NCALD: variants seen among roughly 807,000 people sequenced by gnomAD.
NCALD encodes the protein neurocalcin-delta.
In NCALD, 10 loss-of-function variants were observed where a neutral mutation model predicts 18.6. The ratio of observed to expected loss-of-function variants is 0.54; its 90% CI spans 0.33 to 0.91. NCALD has a LOEUF of 0.91. Among genes scored for constraint, NCALD ranks in the 40% least tolerant of loss-of-function variants. NCALD has a pLI of 0.03. For synonymous variants in NCALD, 88 were observed against 87.4 expected, an observed-to-expected ratio of 1.01 and a Z score of -0.04; for missense variants, 184 against 247.6, an observed-to-expected ratio of 0.74 and a Z score of 1.72.
chr8:101,957,161 T>G (rs1197577190), intron 2 of NCALD, among the ~76,000 whole-genome samples: 1 of 152,014 alleles, frequency 6.6e-6, no homozygotes, highest in African/African-American at 2.4e-5. Context: ...AGGGAAAAAC[T>G]TTAAAAATGA....
At chr8:102,052,259 G>T (rs1823482029) in intron 1 of NCALD, among the ~76,000 whole-genome samples, 1 of 152,134 alleles carries the variant, frequency 6.6e-6, no homozygotes, top group Non-Finnish European at 1.5e-5. Flanking sequence ...CAATTTTGAT[G>T]ACACAGTTGA....
At chr8:102,000,421 C>G (rs1043542158) in intron 2 of NCALD, among the ~76,000 whole-genome samples, 1 of 152,358 alleles carries the variant, frequency 6.6e-6, no homozygotes, top group African/African-American at 2.4e-5. Context: ...CTCAAGGAGG[C>G]CTGCCTGCCT....
intron 2 of NCALD, among the ~76,000 whole-genome samples, chr8:101,920,574 G>T (rs1818125898): frequency 6.6e-6 from 1 of 152,186 alleles, no homozygotes; most frequent in Admixed American, 6.5e-5. Context: ...CATGTTCTTT[G>T]CAGCAACATG....
intron 1 of NCALD, among the ~76,000 whole-genome samples, chr8:102,089,371 G>C (rs1824849252): frequency 6.6e-6 from 1 of 150,920 alleles, no homozygotes; most frequent in Admixed American, 6.6e-5. Flanking sequence ...TCCAGCCTGG[G>C]CAACAGAGCA....
At chr8:101,826,529 A>T (rs532818312) in intron 4 of NCALD, among the ~76,000 whole-genome samples, 1 of 152,340 alleles carries the variant, frequency 6.6e-6, no homozygotes, top group African/African-American at 2.4e-5. Context: ...CTACATGTCC[A>T]ACAGAGCTTC....
chr8:101,814,219 T>C (rs1813411386), intron 4 of NCALD, among the ~76,000 whole-genome samples: 1 of 152,028 alleles, frequency 6.6e-6, no homozygotes, highest in African/African-American at 2.4e-5. Flanking sequence ...TGAACTAATA[T>C]CTTTCATAAA....
chr8:102,061,099 G>A (rs1450449878), intron 1 of NCALD, among the ~76,000 whole-genome samples: 1 of 152,160 alleles, frequency 6.6e-6, no homozygotes, highest in Non-Finnish European at 1.5e-5. Context: ...AAAACTCAGT[G>A]AGATAAAGCA....
At chr8:102,075,683 G>A (rs111366040) in intron 1 of NCALD, among the ~76,000 whole-genome samples, 9,258 of 152,166 alleles carry the variant, frequency 0.061, 413 homozygotes, top group Non-Finnish European at 0.092. Context: ...GGCTAGGTGC[G>A]GTAGCTCATG....
chr8:102,014,829 A>G (rs1248464910), intron 2 of NCALD, among the ~76,000 whole-genome samples: 1 of 152,216 alleles, frequency 6.6e-6, no homozygotes, highest in East Asian at 1.9e-4. Context: ...AAAACACTGC[A>G]TCTAGTGCAT....
intron 4 of NCALD, among the ~76,000 whole-genome samples, chr8:101,826,404 T>G (rs907444186): frequency 1.1e-4 from 16 of 149,246 alleles, no homozygotes; most frequent in Non-Finnish European, 2.1e-4. Flanking sequence ...AATCTTCCCA[T>G]GATTCAGGGG....
chr8:102,013,433 GC>G (rs1821973176), intron 2 of NCALD, among the ~76,000 whole-genome samples: 1 of 152,128 alleles, frequency 6.6e-6, no homozygotes, highest in Admixed American at 6.5e-5. Context: ...TCCATAGCAA[GC>G]CCAGCCCCAA....
chr8:101,908,711 GA>G (rs916783801), intron 3 of NCALD, among the ~76,000 whole-genome samples: 3 of 152,134 alleles, frequency 2.0e-5, no homozygotes, highest in Admixed American at 1.3e-4. Flanking sequence ...TCCCTGCTTT[GA>G]GGACCACATA....
At position 101,813,649 on chromosome 8, in the gene NCALD, C is replaced by T. The variant is rs187200145; in HGVS notation, c.-20+73492G>A. Among the ~76,000 whole-genome samples the T allele has an allele frequency of 1.2e-4, 19 of 152,038 alleles. 1 individual carries two copies. The highest frequency in any genetic ancestry group is 1.0e-3 in the Admixed American group (16 of 15,258). On this transcript the variant is annotated intron_variant, in intron 4 of 6. Coordinates refer to the NCALD transcript ENST00000311028. Reference sequence around the variant, plus strand: ...GGCACAAAAACCACTATGTAAATGCCCCCCAGGTTTTGCATTACACAGCTT... The same window carrying T: ...GGCACAAAAACCACTATGTAAATGCTCCCCAGGTTTTGCATTACACAGCTT...
At chr8:102,119,431 G>C (rs1287546279) in intron 1 of NCALD, among the ~76,000 whole-genome samples, 1 of 152,202 alleles carries the variant, frequency 6.6e-6, no homozygotes, top group Non-Finnish European at 1.5e-5. Flanking sequence ...TAGGAAGTTA[G>C]TGTTTAGTGG....
chr8:101,908,459 A>G (rs1817683279), intron 3 of NCALD, among the ~76,000 whole-genome samples: 1 of 152,196 alleles, frequency 6.6e-6, no homozygotes, highest in African/African-American at 2.4e-5. Context: ...GTTTTGGAGA[A>G]CCACAAACCA....
At chr8:101,894,435 A>T (rs549717817) in intron 3 of NCALD, among the ~76,000 whole-genome samples, 13 of 140,206 alleles carry the variant, frequency 9.3e-5, no homozygotes, top group Non-Finnish European at 1.7e-4. Flanking sequence ...TGACACCCTA[A>T]CATCACAATT....
intron 2 of NCALD, among the ~76,000 whole-genome samples, chr8:101,937,397 A>G (rs943322283): frequency 6.6e-6 from 1 of 152,070 alleles, no homozygotes; most frequent in Non-Finnish European, 1.5e-5. Flanking sequence ...TGTGTTCATG[A>G]GTTATCATAA....
intron 2 of NCALD, among the ~76,000 whole-genome samples, chr8:102,002,604 C>T (rs956282027): frequency 1.3e-5 from 2 of 152,094 alleles, no homozygotes; most frequent in African/African-American, 4.8e-5. Context: ...ACACCTATTC[C>T]AAAACTGACC....
At chr8:101,851,652 C>A (rs1417103598) in intron 4 of NCALD, among the ~76,000 whole-genome samples, 3 of 152,168 alleles carry the variant, frequency 2.0e-5, no homozygotes, top group Non-Finnish European at 2.9e-5. Flanking sequence ...TGCACACAGG[C>A]AGACTGCAAA....
Sources: allele counts gnomAD v4.1 joint callset (sites outside exome capture counted in the v4.1 genomes callset), GRCh38; gene constraint gnomAD v4.1.1; transcripts MANE v1.5; gene names NCBI Gene and HGNC (gene_info 2026-07-23, HGNC 2026-07-21).